Variants in CAST observed in about 807,000 individuals in gnomAD.
The protein encoded by CAST is MIR583 host.
A neutral mutation model predicts 119.6 loss-of-function variants in CAST; 76 were observed. The ratio of observed to expected loss-of-function variants is 0.64; its 90% CI spans 0.53 to 0.77. The LOEUF (loss-of-function observed/expected upper bound fraction) is 0.77, where lower values mean the gene tolerates loss of function less well. CAST is among the 30% of genes least tolerant of loss of function. CAST has a pLI of 0.00. For missense variants in CAST, 953 were observed against 946.5 expected, an observed-to-expected ratio of 1.01 and a Z score of -0.09; for synonymous variants, 319 against 331.6, an observed-to-expected ratio of 0.96 and a Z score of 0.41.
chr5:96,248,832 G>A, the CAST span, among the ~76,000 whole-genome samples: 1 of 152,174 alleles, frequency 6.6e-6, no homozygotes, highest in Non-Finnish European at 1.5e-5. Context: ...GAAATATTGA[G>A]TCAATGTTTG....
intron 3 of CAST, chr5:96,714,829 C>T (rs931954647): frequency 6.6e-6 from 1 of 152,128 alleles, no homozygotes; most frequent in South Asian, 2.1e-4. Flanking sequence ...CACTGGAAAA[C>T]TAGAGTTTGG....
At chr5:96,342,521 A>G in the CAST span, among the ~76,000 whole-genome samples, 1 of 152,184 alleles carries the variant, frequency 6.6e-6, no homozygotes, top group South Asian at 2.1e-4. Context: ...TAGAAGACGC[A>G]TTGCTGCCTG....
chr5:96,222,893 A>C, the CAST span, among the ~76,000 whole-genome samples: 1 of 152,172 alleles, frequency 6.6e-6, no homozygotes, highest in Non-Finnish European at 1.5e-5. Context: ...TAAAGAGTAC[A>C]TGGTATATAT....
At chr5:96,363,620 G>T in the CAST span, among the ~76,000 whole-genome samples, 153 of 152,258 alleles carry the variant, frequency 1.0e-3, no homozygotes, top group African/African-American at 3.6e-3. Context: ...GTTCACTCAT[G>T]ATTTGGCTCT....
chr5:96,476,260 C>T, the CAST span, among the ~76,000 whole-genome samples: 1 of 152,120 alleles, frequency 6.6e-6, no homozygotes, highest in Non-Finnish European at 1.5e-5. Context: ...GCTACATTTT[C>T]CATTAGAATT....
At chr5:96,663,986 A>G (rs1031019464) in intron 1 of CAST, among the ~76,000 whole-genome samples, 3 of 151,858 alleles carry the variant, frequency 2.0e-5, no homozygotes, top group African/African-American at 7.3e-5. Context: ...TGACAGTGAG[A>G]GCCAAAATGT....
intron 1 of CAST, among the ~76,000 whole-genome samples, chr5:96,605,709 G>A (rs1442399126): frequency 1.3e-5 from 2 of 152,202 alleles, no homozygotes; most frequent in African/African-American, 4.8e-5. Context: ...TTTGTGAGTT[G>A]AGCCCTAGAA....
chr5:96,203,398 G>A, the CAST span, among the ~76,000 whole-genome samples: 6 of 151,730 alleles, frequency 4.0e-5, no homozygotes, highest in African/African-American at 1.5e-4. Context: ...AGAATAATAT[G>A]TTCTTTTTCA....
At chr5:96,169,636 G>A in the CAST span, among the ~76,000 whole-genome samples, 4 of 152,162 alleles carry the variant, frequency 2.6e-5, no homozygotes, top group African/African-American at 9.7e-5. Flanking sequence ...TGGGATATTG[G>A]CGTTGAGTGG....
chr5:96,360,374 T>A, the CAST span, among the ~76,000 whole-genome samples: 2 of 152,150 alleles, frequency 1.3e-5, no homozygotes, highest in African/African-American at 4.8e-5. Context: ...TTTGTTCCCT[T>A]CCTGGTGAGT....
intron 1 of CAST, among the ~76,000 whole-genome samples, chr5:96,614,700 TC>T (rs1747422211): frequency 6.6e-6 from 1 of 151,822 alleles, no homozygotes; most frequent in South Asian, 2.1e-4. Flanking sequence ...GCCCAGCCTC[TC>T]CCCAGGGGTG....
chr5:96,169,070 T>C, the CAST span, among the ~76,000 whole-genome samples: 7 of 152,236 alleles, frequency 4.6e-5, no homozygotes, highest in East Asian at 7.7e-4. Context: ...GAATTCTGAC[T>C]GCACTAACCA....
At chr5:96,289,010 T>C in the CAST span, among the ~76,000 whole-genome samples, 1 of 152,064 alleles carries the variant, frequency 6.6e-6, no homozygotes, top group South Asian at 2.1e-4. Context: ...CAAAACCCAC[T>C]GTATGGTAAG....
chr5:96,311,979 G>A, the CAST span, among the ~76,000 whole-genome samples: 1 of 151,930 alleles, frequency 6.6e-6, no homozygotes, highest in African/African-American at 2.4e-5. Flanking sequence ...TTGTTTTGTA[G>A]ATACTTTGTT....
chr5:96,736,088 A>T, intron 9 of CAST, 84 bp from the exon 10 acceptor site: 1 of 808,518 alleles, frequency 1.2e-6, no homozygotes. Context: ...GCTTGTTAAT[A>T]TAATGAATTT....
intron 1 of CAST, among the ~76,000 whole-genome samples, chr5:96,609,714 GATT>G (rs1747324997): frequency 6.6e-6 from 1 of 152,208 alleles, no homozygotes; most frequent in South Asian, 2.1e-4. Context: ...ACCAGAGGAT[GATT>G]ATAAGATGTA....
chr5:96,737,794 A>T (rs1426824864), intron 10 of CAST, 55 bp from the exon 11 acceptor site: 1 of 1,013,838 alleles, frequency 9.9e-7, no homozygotes, highest in East Asian at 2.5e-5. Context: ...TAGTTAAACT[A>T]AAGGTGAAAT....
the CAST span, among the ~76,000 whole-genome samples, chr5:96,014,843 C>G: frequency 1.3e-5 from 2 of 152,168 alleles, no homozygotes; most frequent in Admixed American, 6.6e-5. Flanking sequence ...GGTGTTCTAA[C>G]AGCCTTTTCT....
rs1342785866 is a variant in CAST, at chr5:96,774,116, C to T, written c.*1500C>T. The T allele has an allele frequency of 6.5e-6, 1 of 153,094 alleles. No homozygotes were observed. Among genetic ancestry groups the T allele is most frequent in the African/African-American group, 2.4e-5 (1 of 41,396 alleles). The allele number at this position is 153,094 out of a possible 1,614,324, so 9.5% of individuals were successfully genotyped here. A position where few individuals can be genotyped will look rare whatever the true frequency, so the allele number is the denominator to read the frequency against. Reference sequence around the variant, plus strand: ...AACACTTTTCCTGAGGGATTTCTAACCATGTATCTAATCCTCCCATTTGGG... The same window carrying T: ...AACACTTTTCCTGAGGGATTTCTAATCATGTATCTAATCCTCCCATTTGGG... On this transcript the variant is annotated 3_prime_UTR_variant, in exon 32 of 32. Transcript: ENST00000675179.
Sources: gnomAD v4.1 joint callset for allele counts (sites outside exome capture counted in the v4.1 genomes callset) on GRCh38, gnomAD v4.1.1 for gene constraint, MANE v1.5 for transcripts, NCBI Gene and HGNC (gene_info 2026-07-23, HGNC 2026-07-21) for gene names.